The following MED12L variants were observed in gnomAD, a reference collection of about 807,000 sequenced individuals.
MED12L encodes the protein mediator of RNA polymerase II transcription subunit 12-like protein.
A neutral mutation model predicts 281.3 loss-of-function variants in MED12L; 60 were observed. The ratio of observed to expected loss-of-function variants is 0.21; its 90% CI spans 0.17 to 0.26. The LOEUF is 0.26. MED12L is among the 10% of genes least tolerant of loss of function. The pLI is 1.00. For missense variants in MED12L, 2,146 were observed against 2,680.9 expected, an observed-to-expected ratio of 0.80 and a Z score of 4.41; for synonymous variants, 974 against 987.2, an observed-to-expected ratio of 0.99 and a Z score of 0.25.
chr3:151,336,689 C>T (rs1054467196), intron 16 of MED12L: 38 of 349,080 alleles, frequency 1.1e-4, no homozygotes, highest in African/African-American at 8.4e-4. Context: ...TACATTTGAA[C>T]TTATTGAAAT....
At chr3:151,409,477 C>T in intron 40 of MED12L, 145 bp downstream of exon 40, 2 of 700,872 alleles carry the variant, frequency 2.9e-6, no homozygotes, top group Non-Finnish European at 4.8e-6. Context: ...ATTGATATTT[C>T]AAAAAAGCAT....
intron 16 of MED12L, among the ~76,000 whole-genome samples, chr3:151,205,812 A>G (rs1039968633): frequency 6.6e-6 from 1 of 152,220 alleles, no homozygotes; most frequent in Non-Finnish European, 1.5e-5. Context: ...CATCAGGTCA[A>G]TCCGGTCCCC....
intron 16 of MED12L, among the ~76,000 whole-genome samples, chr3:151,205,365 A>C (rs1726201165): frequency 6.6e-6 from 1 of 152,244 alleles, no homozygotes. Context: ...AATTAAAGCT[A>C]AATTGTCCAC....
intron 16 of MED12L, among the ~76,000 whole-genome samples, chr3:151,277,513 A>G (rs898666605): frequency 1.3e-5 from 2 of 151,960 alleles, no homozygotes; most frequent in Non-Finnish European, 2.9e-5. Flanking sequence ...TCTTTGATTC[A>G]TTTTCTCCGT....
At chr3:151,236,278 T>C (rs535453117) in intron 16 of MED12L, among the ~76,000 whole-genome samples, 1 of 152,310 alleles carries the variant, frequency 6.6e-6, no homozygotes, top group African/African-American at 2.4e-5. Context: ...ACTTCTAGAG[T>C]TTTAAAATGT....
intron 16 of MED12L, among the ~76,000 whole-genome samples, chr3:151,343,883 C>T (rs1368819146): frequency 6.6e-6 from 1 of 152,112 alleles, no homozygotes; most frequent in South Asian, 2.1e-4. Flanking sequence ...ATAATTATGA[C>T]ATTTGATAGC....
intron 9 of MED12L, 143 bp downstream of exon 9, chr3:151,164,185 G>A: frequency 3.6e-6 from 3 of 827,702 alleles, no homozygotes; most frequent in Non-Finnish European, 5.5e-6. Context: ...TGACCTTAGA[G>A]AATTGTTTAG....
intron 15 of MED12L, among the ~76,000 whole-genome samples, chr3:151,193,094 G>A (rs1328359803): frequency 6.6e-6 from 1 of 151,978 alleles, no homozygotes; most frequent in Admixed American, 6.6e-5. Flanking sequence ...AAAAAAAATT[G>A]TTTGGAGTAC....
intron 38 of MED12L, among the ~76,000 whole-genome samples, chr3:151,390,394 A>G (rs1174022967): frequency 3.3e-4 from 50 of 152,262 alleles, no homozygotes; most frequent in Admixed American, 3.2e-3. Flanking sequence ...TGTAAGATAT[A>G]AAAGTTGATA....
At chr3:151,230,888 G>A (rs1180915414) in intron 16 of MED12L, among the ~76,000 whole-genome samples, 9 of 152,146 alleles carry the variant, frequency 5.9e-5, no homozygotes, top group Non-Finnish European at 5.9e-5. Flanking sequence ...CCACTGAAAG[G>A]AAACAGGGCT....
At chr3:151,271,272 G>A (rs2149555116) in intron 16 of MED12L, among the ~76,000 whole-genome samples, 1 of 152,258 alleles carries the variant, frequency 6.6e-6, no homozygotes, top group East Asian at 1.9e-4. Context: ...AAGATTCTCA[G>A]CCTCACTTGT....
Position 151,365,956 on chromosome 3 carries a change from G to C in MED12L, c.3292G>C (p.Val1098Leu), listed in dbSNP as rs780010525. The change falls in exon 23 of 45, where the codon GTG becomes CTG. Residue 1098 changes from valine to leucine, a missense_variant. Transcript: ENST00000687756. The part of the protein sequence containing the change: ...LKALCCSSNH[V>L]WGFNDVLCTV... ...GGCTCTTTGTTGTTCTTCAAATCAC[G>C]TGTGGGGGTTTAATGATGTACTTTG... The C allele has an allele frequency of 1.1e-5, 17 of 1,612,662 alleles. No homozygotes were observed. Among genetic ancestry groups the C allele is most frequent in the Non-Finnish European group, 1.4e-5 (17 of 1,179,134 alleles).
chr3:151,428,827 T>A (rs568222063), intron 43 of MED12L, among the ~76,000 whole-genome samples: 1 of 151,850 alleles, frequency 6.6e-6, no homozygotes, highest in South Asian at 2.1e-4. Context: ...ATACTTGTAC[T>A]AAATGCAATA....
intron 11 of MED12L, among the ~76,000 whole-genome samples, chr3:151,182,723 T>C (rs1302120741): frequency 6.6e-6 from 1 of 152,158 alleles, no homozygotes; most frequent in Admixed American, 6.5e-5. Flanking sequence ...TGCCATTTTC[T>C]AAGAGAAAGT....
At chr3:151,148,968 C>G (rs1194363045) in intron 5 of MED12L, among the ~76,000 whole-genome samples, 1 of 152,120 alleles carries the variant, frequency 6.6e-6, no homozygotes, top group East Asian at 1.9e-4. Context: ...AGGAATTTGG[C>G]CTTTTCCCTG....
At chr3:151,293,814 A>G (rs1298941467) in intron 16 of MED12L, among the ~76,000 whole-genome samples, 3 of 152,108 alleles carry the variant, frequency 2.0e-5, no homozygotes, top group Admixed American at 6.5e-5. Flanking sequence ...CTATCCTTCA[A>G]CTTCAAGGAT....
chr3:151,299,983 A>G (rs1745678733), intron 16 of MED12L: 4 of 958,150 alleles, frequency 4.2e-6, no homozygotes, highest in Admixed American at 1.7e-5. Flanking sequence ...TTCTCTGACC[A>G]TTAAACTCCC....
Position 151,156,245 on chromosome 3 carries a change from A to G in MED12L, c.641A>G (p.Asp214Gly), listed in dbSNP as rs1560102276. 2 of 1,613,724 alleles carry G rather than the reference A, an allele frequency of 1.2e-6. No homozygotes were observed. The highest frequency in any genetic ancestry group is 1.7e-6 in the Non-Finnish European group (2 of 1,179,840). The change falls in exon 6 of 45, where the codon GAT (aspartate) becomes GGT (glycine). Residue 214 changes from aspartate (D) to glycine (G), a missense_variant. Physicochemically the swap from Asp to Gly is moderately conservative, Grantham distance 94. Transcript: ENST00000687756. ...DFYHMASSTG[D>G]GPVPVPPEVE... ...TACCACATGGCCTCCAGCACGGGCGATGGCCCTGTCCCTGTGCCACCAGAG... is the reference window on the plus strand; with the variant it reads ...TACCACATGGCCTCCAGCACGGGCGGTGGCCCTGTCCCTGTGCCACCAGAG...
chr3:151,298,741 G>A (rs904043849), intron 16 of MED12L, among the ~76,000 whole-genome samples: 1 of 152,180 alleles, frequency 6.6e-6, no homozygotes, highest in Admixed American at 6.5e-5. Context: ...CTGAGTGTGT[G>A]TGTTGGGGAA....
Sources: allele counts gnomAD v4.1 joint callset (sites outside exome capture counted in the v4.1 genomes callset), GRCh38; gene constraint gnomAD v4.1.1; transcripts MANE v1.5; gene names NCBI Gene and HGNC (gene_info 2026-07-23, HGNC 2026-07-21).